Variants in KLHL29 observed in about 807,000 individuals in gnomAD.
KLHL29 encodes the protein kelch-like protein 29.
KLHL29 carries 21 observed loss-of-function variants against 80.4 expected under a neutral mutation model. The ratio of observed to expected loss-of-function variants is 0.26; its 90% confidence interval spans 0.19 to 0.38. The LOEUF (loss-of-function observed/expected upper bound fraction) is 0.38. Among genes scored for constraint, KLHL29 ranks in the 10% least tolerant of loss-of-function variants. The probability of loss-of-function intolerance (pLI) is 1.00; values close to 1 mark genes in which losing one functional copy is unlikely to be tolerated. For synonymous variants in KLHL29, 511 were observed against 526.8 expected (o/e 0.97, Z 0.41); for missense variants, 867 against 1,223.9 (o/e 0.71, Z 4.35).
At chr2:23,517,982 T>A (rs905133748) in intron 2 of KLHL29, among the ~76,000 whole-genome samples, 10 of 152,196 alleles carry the variant, frequency 6.6e-5, no homozygotes, top group Admixed American at 6.5e-4. Flanking sequence ...GTTCTCCTCT[T>A]CAAAACAGGG....
At chr2:23,524,579 G>GC (rs1182805709) in intron 2 of KLHL29, among the ~76,000 whole-genome samples, 1 of 152,198 alleles carries the variant, frequency 6.6e-6, no homozygotes, top group African/African-American at 2.4e-5. Flanking sequence ...GGAGGAACAT[G>GC]CTTGCGGGCA....
At chr2:23,556,054 C>T (rs1367196129) in intron 2 of KLHL29, among the ~76,000 whole-genome samples, 3 of 152,220 alleles carry the variant, frequency 2.0e-5, no homozygotes, top group Non-Finnish European at 4.4e-5. Flanking sequence ...TCAGGAGCTC[C>T]CAGTGACGTG....
chr2:23,447,675 C>T (rs1032771043), intron 1 of KLHL29, among the ~76,000 whole-genome samples: 2 of 152,114 alleles, frequency 1.3e-5, no homozygotes, highest in Non-Finnish European at 2.9e-5. Flanking sequence ...ATTTCTTATC[C>T]GAAGGGCCCA....
At chr2:23,506,654 G>C (rs370514795) in intron 2 of KLHL29, among the ~76,000 whole-genome samples, 1 of 152,150 alleles carries the variant, frequency 6.6e-6, no homozygotes, top group Non-Finnish European at 1.5e-5. Flanking sequence ...CCACAGCCAC[G>C]GGGAGCAGCA....
intron 5 of KLHL29, among the ~76,000 whole-genome samples, chr2:23,649,722 T>C (rs939490846): frequency 2.6e-5 from 4 of 152,174 alleles, no homozygotes; most frequent in Non-Finnish European, 4.4e-5. Flanking sequence ...CCGCTGCCGA[T>C]GGGGATGAGA....
At chr2:23,518,358 G>C (rs1666002222) in intron 2 of KLHL29, among the ~76,000 whole-genome samples, 1 of 152,212 alleles carries the variant, frequency 6.6e-6, no homozygotes, top group South Asian at 2.1e-4. Flanking sequence ...AGAGAACCCA[G>C]TGGTCCTCTG....
intron 1 of KLHL29, among the ~76,000 whole-genome samples, chr2:23,435,698 C>T (rs1044384277): frequency 6.6e-6 from 1 of 152,178 alleles, no homozygotes; most frequent in Non-Finnish European, 1.5e-5. Context: ...GAACATCACC[C>T]TCTGCCTTTT....
At chr2:23,565,641 A>G (rs1667572206) in intron 3 of KLHL29, among the ~76,000 whole-genome samples, 1 of 152,080 alleles carries the variant, frequency 6.6e-6, no homozygotes. Flanking sequence ...CCATTGTGGA[A>G]ACAGCTGAAA....
At chr2:23,422,213 T>C (rs1223969459) in intron 1 of KLHL29, among the ~76,000 whole-genome samples, 1 of 151,592 alleles carries the variant, frequency 6.6e-6, no homozygotes, top group Non-Finnish European at 1.5e-5. Context: ...CCAGTGTGTC[T>C]ATGTCTGTGT....
intron 1 of KLHL29, among the ~76,000 whole-genome samples, chr2:23,453,128 G>A (rs1256302913): frequency 6.6e-6 from 1 of 151,152 alleles, no homozygotes; most frequent in East Asian, 1.9e-4. Context: ...AAAAGTAAAA[G>A]TAAATTTTAA....
At chr2:23,590,104 G>C (rs1034262115) in intron 3 of KLHL29, among the ~76,000 whole-genome samples, 3 of 152,244 alleles carry the variant, frequency 2.0e-5, no homozygotes, top group Non-Finnish European at 4.4e-5. Context: ...GCCTAGAGAG[G>C]GAAGGGAGAC....
chr2:23,477,126 G>A (rs1299388448), intron 2 of KLHL29, among the ~76,000 whole-genome samples: 3 of 152,252 alleles, frequency 2.0e-5, no homozygotes, highest in Non-Finnish European at 4.4e-5. Flanking sequence ...ATAACACACA[G>A]GGCCTAGTGC....
At chr2:23,402,905 CTATG>C (rs1365247287) in intron 1 of KLHL29, among the ~76,000 whole-genome samples, 1 of 150,338 alleles carries the variant, frequency 6.7e-6, no homozygotes, top group Non-Finnish European at 1.5e-5. Flanking sequence ...TTCTTTAAAT[CTATG>C]TATGTGTATA....
At chr2:23,499,242 T>C (rs558906709) in intron 2 of KLHL29, among the ~76,000 whole-genome samples, 2 of 152,262 alleles carry the variant, frequency 1.3e-5, no homozygotes, top group East Asian at 3.9e-4. Context: ...CTCCTGCCCA[T>C]GCTGGTGGGA....
chr2:23,696,815 G>A lies in KLHL29; in HGVS notation c.2105+302G>A. 3.2e-6 allele frequency: 1 copy of A among 314,202 alleles called. No homozygotes were observed. Among genetic ancestry groups the A allele is most frequent in the South Asian group, 4.2e-5 (1 of 23,702 alleles). 19.5% of individuals were successfully genotyped at this position (314,202 alleles called of 1,614,324 possible). A position where few individuals can be genotyped will look rare whatever the true frequency, so the allele number is the denominator to read the frequency against. On this transcript the variant is annotated intron_variant, in intron 11 of 13. Transcript: ENST00000486442. The surrounding 1 kb of genome is among the most constrained non-coding windows in gnomAD (Gnocchi z 5.5). ...GGAGGCCCAAGATCCAGTTGCAGAA[G>A]GCCTGGGATGAGCCAGACCCTCCTG...
intron 3 of KLHL29, among the ~76,000 whole-genome samples, chr2:23,611,756 T>C (rs1413509894): frequency 2.6e-5 from 4 of 152,108 alleles, no homozygotes; most frequent in Non-Finnish European, 4.4e-5. Context: ...ATGTTCCAGA[T>C]GTTAAAAGAC....
intron 2 of KLHL29, among the ~76,000 whole-genome samples, chr2:23,515,582 G>T (rs1439921257): frequency 6.6e-6 from 1 of 152,114 alleles, no homozygotes; most frequent in Non-Finnish European, 1.5e-5. Flanking sequence ...AACTGTAAAG[G>T]TCCACCCTTA....
rs1553325762 is a variant in KLHL29, at chr2:23,455,001, T to TGC, written c.-153-20558_-153-20557insCG. 6.8e-4 allele frequency among the ~76,000 whole-genome samples: 86 copies of TGC among 127,002 alleles called. 1 individual carries two copies. The highest frequency in any genetic ancestry group is 2.8e-3 in the African/African-American group (84 of 30,282). The allele number at this position is 127,002 out of a possible 152,430, so 83.3% of individuals were successfully genotyped here. A position where few individuals can be genotyped will look rare whatever the true frequency, so the allele number is the denominator to read the frequency against. ...ACTCGTAGAAACAGGAACAGTGGGT[T>TGC]GGGGGGGGGGCATTTATTTCTCTCG... is the stretch of plus-strand genomic sequence containing the variant. On this transcript the variant is annotated intron_variant, in intron 1 of 13. Coordinates refer to ENST00000486442, the MANE Select transcript of KLHL29 (RefSeq NM_052920.2).
intron 1 of KLHL29, among the ~76,000 whole-genome samples, chr2:23,399,503 T>C (rs1666536065): frequency 6.6e-6 from 1 of 152,248 alleles, no homozygotes; most frequent in African/African-American, 2.4e-5. Flanking sequence ...TTTTACAATT[T>C]AGCAACTCTT....
Sources: allele counts gnomAD v4.1 joint callset (sites outside exome capture counted in the v4.1 genomes callset), GRCh38; gene constraint gnomAD v4.1.1; non-coding constraint Gnocchi (gnomAD v3.1); transcripts MANE v1.5; gene names NCBI Gene and HGNC (gene_info 2026-07-23, HGNC 2026-07-21).